Variants in FSTL5 observed in about 807,000 individuals in gnomAD.
FSTL5 encodes follistatin-related protein 5.
Under a neutral mutation model 89.1 loss-of-function variants are expected in FSTL5, and 62 were observed. The ratio of observed to expected loss-of-function variants is 0.70; its 90% CI spans 0.57 to 0.86. The LOEUF (loss-of-function observed/expected upper bound fraction) is 0.86. Ranked by LOEUF, FSTL5 falls within the 40% of genes least tolerant of loss-of-function variation. The pLI is 0.00. For missense variants in FSTL5, 1,057 were observed against 1,001.6 expected, an observed-to-expected ratio of 1.06 and a Z score of -0.75; for synonymous variants, 383 against 346.2, an observed-to-expected ratio of 1.11 and a Z score of -1.18.
At chr4:161,843,689 G>A (rs1485566272) in intron 4 of FSTL5, among the ~76,000 whole-genome samples, 1 of 152,052 alleles carries the variant, frequency 6.6e-6, no homozygotes, top group African/African-American at 2.4e-5. Context: ...AACAAGCAAT[G>A]GGGAAAGGAT....
At chr4:162,152,979 A>C (rs1480885578) in intron 1 of FSTL5, among the ~76,000 whole-genome samples, 2 of 152,094 alleles carry the variant, frequency 1.3e-5, no homozygotes, top group African/African-American at 4.8e-5. Context: ...TTTTCATGAT[A>C]TGTGCCTTCC....
At chr4:161,587,297 T>TG in intron 8 of FSTL5, among the ~76,000 whole-genome samples, 158 bp downstream of exon 8, 1 of 142,258 alleles carries the variant, frequency 7.0e-6, no homozygotes, top group South Asian at 2.4e-4. Flanking sequence ...AAATTTTGTG[T>TG]TTTTTTTTTT....
intron 3 of FSTL5, among the ~76,000 whole-genome samples, chr4:161,962,113 A>C (rs1735196992): frequency 6.6e-6 from 1 of 151,980 alleles, no homozygotes; most frequent in African/African-American, 2.4e-5. Context: ...CACTTGCAGG[A>C]ATATTAAATA....
chr4:161,522,366 G>C (rs1039701669), intron 10 of FSTL5, among the ~76,000 whole-genome samples: 1 of 152,104 alleles, frequency 6.6e-6, no homozygotes, highest in East Asian at 1.9e-4. Flanking sequence ...ATATCACAGA[G>C]ACTCCACACA....
chr4:161,597,744 A>G (rs1248557412), intron 7 of FSTL5, among the ~76,000 whole-genome samples: 1 of 152,104 alleles, frequency 6.6e-6, no homozygotes, highest in Non-Finnish European at 1.5e-5. Flanking sequence ...ATGTAGACCC[A>G]ATGCAATAGG....
chr4:161,533,222 A>AATGAG (rs1731485656), intron 10 of FSTL5, among the ~76,000 whole-genome samples: 1 of 151,914 alleles, frequency 6.6e-6, no homozygotes. Context: ...AAATAACTAG[A>AATGAG]ATGAGAGAAG....
chr4:161,778,261 C>T (rs778483104), intron 4 of FSTL5, among the ~76,000 whole-genome samples: 2 of 151,798 alleles, frequency 1.3e-5, no homozygotes, highest in South Asian at 2.1e-4. Flanking sequence ...ACAGCAAATG[C>T]GATATGAAAT....
At chr4:162,140,900 G>C (rs1006212729) in intron 1 of FSTL5, among the ~76,000 whole-genome samples, 1 of 152,012 alleles carries the variant, frequency 6.6e-6, no homozygotes, top group Non-Finnish European at 1.5e-5. Context: ...ATATAGTTTT[G>C]ATATTTGTCC....
At chr4:162,128,105 TTA>T (rs937640425) in intron 1 of FSTL5, among the ~76,000 whole-genome samples, 1 of 109,738 alleles carries the variant, frequency 9.1e-6, no homozygotes, top group Non-Finnish European at 2.2e-5. Context: ...ACCTTAGAAT[TTA>T]TAGAGTCCAA....
intron 6 of FSTL5, among the ~76,000 whole-genome samples, chr4:161,683,628 T>C (rs1358935385): frequency 3.3e-5 from 5 of 152,232 alleles, no homozygotes; most frequent in Non-Finnish European, 5.9e-5. Context: ...AATAATTATA[T>C]GAAAATTTTG....
At chr4:161,881,502 T>C (rs1435427211) in intron 4 of FSTL5, among the ~76,000 whole-genome samples, 2 of 152,030 alleles carry the variant, frequency 1.3e-5, no homozygotes, top group East Asian at 3.8e-4. Flanking sequence ...CTTATTCATA[T>C]TTAAGTTCTC....
At chr4:162,112,796 C>T (rs974325944) in intron 1 of FSTL5, among the ~76,000 whole-genome samples, 1 of 151,706 alleles carries the variant, frequency 6.6e-6, no homozygotes, top group Non-Finnish European at 1.5e-5. Context: ...CACACACACA[C>T]ACACACACAC....
chr4:161,934,242 T>G (rs1314420653), intron 3 of FSTL5, among the ~76,000 whole-genome samples: 1 of 152,114 alleles, frequency 6.6e-6, no homozygotes, highest in Non-Finnish European at 1.5e-5. Context: ...CTATCAATGT[T>G]TATAGTTCTA....
At chr4:161,637,532 C>T (rs1735767965) in intron 7 of FSTL5, among the ~76,000 whole-genome samples, 1 of 151,278 alleles carries the variant, frequency 6.6e-6, no homozygotes, top group South Asian at 2.1e-4. Flanking sequence ...ACATGAAGTC[C>T]TTGCCCATGC....
intron 3 of FSTL5, among the ~76,000 whole-genome samples, chr4:161,992,641 G>C (rs1179776329): frequency 6.6e-6 from 1 of 151,304 alleles, no homozygotes; most frequent in Non-Finnish European, 1.5e-5. Flanking sequence ...TCAGGAGTTT[G>C]AGACCAGCCT....
intron 4 of FSTL5, among the ~76,000 whole-genome samples, chr4:161,918,098 T>G (rs1733889539): frequency 6.6e-6 from 1 of 152,066 alleles, no homozygotes; most frequent in Non-Finnish European, 1.5e-5. Flanking sequence ...TTGCTGAAAC[T>G]CCACAAAAAA....
intron 5 of FSTL5, among the ~76,000 whole-genome samples, chr4:161,773,342 A>G (rs1189548597): frequency 6.6e-6 from 1 of 152,162 alleles, no homozygotes; most frequent in Admixed American, 6.5e-5. Context: ...AGATAAATAG[A>G]TGAGACTTAA....
chr4:161,884,928 T>C (rs1732752178), intron 4 of FSTL5, among the ~76,000 whole-genome samples: 1 of 152,150 alleles, frequency 6.6e-6, no homozygotes, highest in Non-Finnish European at 1.5e-5. Context: ...CTGGTGGTAG[T>C]CATTGCTCTT....
chr4:161,582,071 T>C (rs1733456223), intron 8 of FSTL5, among the ~76,000 whole-genome samples: 2 of 152,204 alleles, frequency 1.3e-5, no homozygotes, highest in South Asian at 4.1e-4. Context: ...CTAATTTGCA[T>C]TGTTTGAAAA....
Sources: allele counts gnomAD v4.1 joint callset (sites outside exome capture counted in the v4.1 genomes callset), GRCh38; gene constraint gnomAD v4.1.1; transcripts MANE v1.5; gene names NCBI Gene and HGNC (gene_info 2026-07-23, HGNC 2026-07-21).